Variants in EIF2AK2 observed in about 807,000 individuals in gnomAD.
EIF2AK2 encodes the protein interferon-induced, double-stranded RNA-activated protein kinase.
EIF2AK2 carries 40 observed loss-of-function variants against 70.5 expected under a neutral mutation model. The ratio of observed to expected loss-of-function variants is 0.57; its 90% CI spans 0.44 to 0.74. The LOEUF (loss-of-function observed/expected upper bound fraction) is 0.74. EIF2AK2 is among the 30% of genes least tolerant of loss of function. The probability of loss-of-function intolerance (pLI) is 0.00; values close to 1 mark genes in which losing one functional copy is unlikely to be tolerated. For missense variants in EIF2AK2, 555 were observed against 644.3 expected, an observed-to-expected ratio of 0.86 and a Z score of 1.50; for synonymous variants, 198 against 220.9, an observed-to-expected ratio of 0.90 and a Z score of 0.92.
At chr2:37,139,135 G>A (rs1675233107) in intron 6 of EIF2AK2, among the ~76,000 whole-genome samples, 1 of 151,780 alleles carries the variant, frequency 6.6e-6, no homozygotes, top group Non-Finnish European at 1.5e-5. Context: ...GGCCAACATA[G>A]TGAAACCCCA....
chr2:37,153,711 T>C (rs1413346098), intron 1 of EIF2AK2, among the ~76,000 whole-genome samples: 3 of 152,222 alleles, frequency 2.0e-5, no homozygotes, highest in Non-Finnish European at 4.4e-5. Context: ...ATATACCATA[T>C]TTTGTTCATG....
At chr2:37,107,614 T>TCCTACATTTC in intron 15 of EIF2AK2, 87 bp from the exon 16 acceptor site, 1 of 1,440,626 alleles carries the variant, frequency 6.9e-7, no homozygotes, top group Non-Finnish European at 9.4e-7. Flanking sequence ...ACCTGAAATG[T>TCCTACATTTC]AGGATATTTC....
intron 4 of EIF2AK2, among the ~76,000 whole-genome samples, chr2:37,144,881 C>CTTTGT (rs200394253): frequency 0.031 from 4,738 of 151,036 alleles, 105 homozygotes; most frequent in Middle Eastern, 0.063. Context: ...CACACCCAGC[C>CTTTGT]TTTGTTTTGT....
intron 10 of EIF2AK2, among the ~76,000 whole-genome samples, chr2:37,128,615 C>G (rs752862967): frequency 1.3e-5 from 2 of 152,200 alleles, no homozygotes; most frequent in Non-Finnish European, 2.9e-5. Context: ...CAAGAAACTT[C>G]TGTTGAATGA....
At chr2:37,124,594 C>T (rs1255121741) in intron 11 of EIF2AK2, among the ~76,000 whole-genome samples, 1 of 152,124 alleles carries the variant, frequency 6.6e-6, no homozygotes, top group Non-Finnish European at 1.5e-5. Context: ...AAACAGCCAT[C>T]GATCAGGGGA....
At chr2:37,137,817 T>A (rs1274829789) in intron 8 of EIF2AK2, among the ~76,000 whole-genome samples, 1 of 151,572 alleles carries the variant, frequency 6.6e-6, no homozygotes, top group Non-Finnish European at 1.5e-5. Flanking sequence ...TTAAAAAAAG[T>A]CAAAAAGCTG....
chr2:37,121,617 A>AT (rs34031780), intron 12 of EIF2AK2, among the ~76,000 whole-genome samples: 6,146 of 122,090 alleles, frequency 0.05, 226 homozygotes, highest in African/African-American at 0.11. Flanking sequence ...TGGAGGCTTG[A>AT]TTTTTTTTTT....
Position 37,156,954 on chromosome 2 carries a change from G to A in EIF2AK2, c.-230C>T, listed in dbSNP as rs945174970. ...CGCCGCCGCCGGCCGGAGACCCGCG[G>A]CTTCGGGAGAGCTGGTTCTCAGTTT... On this transcript the variant is annotated 5_prime_UTR_variant, in exon 1 of 17. Coordinates refer to ENST00000233057, the MANE Select transcript of EIF2AK2 (RefSeq NM_001135651.3). 5.3e-6 allele frequency: 1 copy of A among 188,034 alleles called. No individual in the cohort carries two copies. The allele number at this position is 188,034 out of a possible 1,614,324, so 11.6% of individuals were successfully genotyped here.
At chr2:37,138,144 T>A in intron 8 of EIF2AK2, 126 bp downstream of exon 8, 1 of 607,324 alleles carries the variant, frequency 1.6e-6, no homozygotes, top group Non-Finnish European at 2.7e-6. Context: ...TGAGGTATTA[T>A]CATTTAGTAA....
At chr2:37,153,536 G>C (rs553312154) in intron 1 of EIF2AK2, among the ~76,000 whole-genome samples, 58 of 151,728 alleles carry the variant, frequency 3.8e-4, no homozygotes, top group Non-Finnish European at 6.9e-4. Context: ...TTCTGTCTCT[G>C]TAAATTTGCC....
chr2:37,127,154 T>C (rs113093059), intron 10 of EIF2AK2, among the ~76,000 whole-genome samples: 395 of 152,176 alleles, frequency 2.6e-3, no homozygotes, highest in African/African-American at 9.2e-3. Context: ...CCCTCAAGCT[T>C]CGTGTTCCAT....
rs749468327 is a variant in EIF2AK2 at position 37,100,550 on chromosome 2, C to T, written c.*6723G>A. On this transcript the variant is annotated 3_prime_UTR_variant, in exon 17 of 17. Transcript: ENST00000233057. ...TTTAGAATTTAAGCCAATAATGTCA[C>T]CATATAACTATCAACTGTGATTCCC... 2.6e-5 allele frequency: 4 copies of T among 152,180 alleles called. No homozygotes were observed. Among genetic ancestry groups the T allele is most frequent in the Admixed American group, 2.0e-4 (3 of 15,278 alleles). The allele number at this position is 152,180 out of a possible 1,614,324, so 9.4% of individuals were successfully genotyped here. A position where few individuals can be genotyped will look rare whatever the true frequency, so the allele number is the denominator to read the frequency against.
At chr2:37,129,952 C>A (rs1270146515) in intron 10 of EIF2AK2, among the ~76,000 whole-genome samples, 2 of 152,152 alleles carry the variant, frequency 1.3e-5, no homozygotes, top group Non-Finnish European at 2.9e-5. Flanking sequence ...TAGTATGGAA[C>A]ACTGACTCCC....
intron 1 of EIF2AK2, among the ~76,000 whole-genome samples, chr2:37,155,584 A>C (rs1284423419): frequency 6.6e-6 from 1 of 152,180 alleles, no homozygotes; most frequent in Admixed American, 6.5e-5. Flanking sequence ...ACTGCTTTTT[A>C]AACTAATTAG....
intron 13 of EIF2AK2, among the ~76,000 whole-genome samples, chr2:37,119,600 AT>A (rs770182674): frequency 2.2e-3 from 320 of 147,690 alleles, no homozygotes; most frequent in African/African-American, 3.0e-3. Flanking sequence ...TATATATATA[AT>A]TTTTTTTTTT....
chr2:37,120,821 GGT>G (rs1453834727), intron 12 of EIF2AK2, among the ~76,000 whole-genome samples: 1 of 149,534 alleles, frequency 6.7e-6, no homozygotes. Flanking sequence ...AAATTAGCTG[GGT>G]GTGGTGGCGC....
intron 1 of EIF2AK2, among the ~76,000 whole-genome samples, chr2:37,156,179 C>CTGTTTCCAG (rs1460213732): frequency 2.0e-5 from 3 of 152,036 alleles, no homozygotes; most frequent in Non-Finnish European, 4.4e-5. Flanking sequence ...ACAAGCAGTG[C>CTGTTTCCAG]AAAGGCCTAG....
chr2:37,131,722 C>CA (rs1674945758), intron 10 of EIF2AK2, among the ~76,000 whole-genome samples: 1 of 152,022 alleles, frequency 6.6e-6, no homozygotes, highest in South Asian at 2.1e-4. Flanking sequence ...GGCAGCGCAT[C>CA]AAAAAACCCT....
At chr2:37,146,184 T>C (rs1263962509) in intron 4 of EIF2AK2, among the ~76,000 whole-genome samples, 1 of 152,236 alleles carries the variant, frequency 6.6e-6, no homozygotes, top group Non-Finnish European at 1.5e-5. Flanking sequence ...AGGTTCGTAG[T>C]CTAGGAGCAA....
Sources: allele counts gnomAD v4.1 joint callset (sites outside exome capture counted in the v4.1 genomes callset), GRCh38; gene constraint gnomAD v4.1.1; transcripts MANE v1.5; gene names NCBI Gene and HGNC (gene_info 2026-07-23, HGNC 2026-07-21).